WNT7A: variants seen among roughly 807,000 people sequenced by gnomAD.
The protein encoded by WNT7A is protein Wnt-7a.
A neutral mutation model predicts 28.2 loss-of-function variants in WNT7A; 16 were observed. That is an observed-to-expected ratio of 0.57 (90% CI 0.38 to 0.86). The LOEUF (loss-of-function observed/expected upper bound fraction) is 0.86, where lower values mean the gene tolerates loss of function less well. Among genes scored for constraint, WNT7A ranks in the 40% least tolerant of loss-of-function variants. WNT7A has a pLI of 0.00. For synonymous variants in WNT7A, 190 were observed against 195.9 expected (o/e 0.97, Z 0.25); for missense variants, 411 against 489.7 (o/e 0.84, Z 1.52).
intron 3 of WNT7A, among the ~76,000 whole-genome samples, chr3:13,838,877 C>T (rs11709521): frequency 0.17 from 25,987 of 152,174 alleles, 2,879 homozygotes; most frequent in East Asian, 0.55. Context: ...AATATGGGTG[C>T]TTGAACTGTG....
At chr3:13,839,037 T>C (rs1461618249) in intron 3 of WNT7A, among the ~76,000 whole-genome samples, 5 of 152,254 alleles carry the variant, frequency 3.3e-5, no homozygotes, top group African/African-American at 9.6e-5. Context: ...ATTTGGGATA[T>C]CTTAGATGAA....
At chr3:13,828,286 G>A (rs1050632315) in intron 3 of WNT7A, among the ~76,000 whole-genome samples, 5 of 152,218 alleles carry the variant, frequency 3.3e-5, no homozygotes, top group Admixed American at 2.0e-4. Context: ...TGGGGCCAGA[G>A]GATGGCATCA....
At chr3:13,833,561 T>C (rs2124838148) in intron 3 of WNT7A, among the ~76,000 whole-genome samples, 1 of 152,334 alleles carries the variant, frequency 6.6e-6, no homozygotes, top group African/African-American at 2.4e-5. Context: ...CACCACACAG[T>C]GCAGCCTCTC....
intron 3 of WNT7A, among the ~76,000 whole-genome samples, chr3:13,838,349 A>G (rs574379936): frequency 1.3e-5 from 2 of 152,322 alleles, no homozygotes; most frequent in Admixed American, 1.3e-4. Flanking sequence ...TGCAGGAGCA[A>G]CAGTGGACCT....
chr3:13,855,558 G>C (rs1235222464), intron 2 of WNT7A, among the ~76,000 whole-genome samples: 1 of 152,196 alleles, frequency 6.6e-6, no homozygotes, highest in Non-Finnish European at 1.5e-5. Flanking sequence ...GTAGGGCAGG[G>C]TCCTGAGCAG....
chr3:13,857,584 G>T (rs1694766371), intron 2 of WNT7A, among the ~76,000 whole-genome samples: 1 of 152,080 alleles, frequency 6.6e-6, no homozygotes, highest in Admixed American at 6.5e-5. Context: ...CCCCCTGCAT[G>T]CTCCAAGGGC....
intron 3 of WNT7A, among the ~76,000 whole-genome samples, chr3:13,823,977 C>T (rs761888802): frequency 6.6e-5 from 10 of 152,300 alleles, no homozygotes; most frequent in Middle Eastern, 3.4e-3. Context: ...TGTCTTCAGG[C>T]GTAAGGAGTA....
intron 1 of WNT7A, among the ~76,000 whole-genome samples, chr3:13,876,783 G>T (rs1040831287): frequency 6.6e-6 from 1 of 152,226 alleles, no homozygotes; most frequent in East Asian, 1.9e-4. Flanking sequence ...CACAAGCTTG[G>T]CTTCTTGCCA....
At chr3:13,876,884 A>G (rs13433875) in intron 1 of WNT7A, 16,468 of 151,868 alleles carry the variant, frequency 0.11, 1,795 homozygotes, top group African/African-American at 0.26. Flanking sequence ...TCCCATCACA[A>G]TCTCTGTTTT....
chr3:13,854,598 A>G lies in WNT7A; in HGVS notation c.504T>C (p.Asp168=). The change falls in exon 3 of 4, where the codon GAT becomes GAC. Residue 168 remains aspartate (D), a synonymous_variant. Transcript: ENST00000285018. ...YGIGFAKVFV[D]AREIKQNART... ...GGGCATTCTGCTTGATCTCCCGGGC[A>G]TCCACAAAGACCTTGGCGAAGCCGA... is the stretch of plus-strand genomic sequence containing the variant. The G allele has an allele frequency of 1.9e-6, 3 of 1,614,098 alleles. No homozygotes were observed. The highest frequency in any genetic ancestry group is 2.5e-6 in the Non-Finnish European group (3 of 1,180,034).
chr3:13,833,293 G>C (rs1694311657), intron 3 of WNT7A, among the ~76,000 whole-genome samples: 1 of 152,024 alleles, frequency 6.6e-6, no homozygotes, highest in African/African-American at 2.4e-5. Context: ...TGCTTCTCAT[G>C]CCGTCCATCC....
chr3:13,847,364 A>G (rs991455048), intron 3 of WNT7A, among the ~76,000 whole-genome samples: 5 of 152,216 alleles, frequency 3.3e-5, no homozygotes, highest in African/African-American at 1.2e-4. Flanking sequence ...AGGGAGCGGA[A>G]GGGAGGTCTG....
chr3:13,850,321 G>C (rs1010540810), intron 3 of WNT7A, among the ~76,000 whole-genome samples: 2 of 152,208 alleles, frequency 1.3e-5, no homozygotes. Context: ...GAGCATAGCT[G>C]AGCAGGCCTT....
Position 13,819,251 on chromosome 3 carries a change from C to G in WNT7A, c.743G>C (p.Arg248Pro), listed in dbSNP as rs772783463. ...CTTCTTGATCTTCAGGAAGGTGGGCCGCTTGTTGCGGCTGGCACGCACAGG... is the reference window on the plus strand; with the variant it reads ...CTTCTTGATCTTCAGGAAGGTGGGCGGCTTGTTGCGGCTGGCACGCACAGG... ...VEPVRASRNK[R>P]PTFLKIKKPL... Residue 248 changes from arginine to proline, a missense_variant, in exon 4 of 4, where the codon CGG (arginine) becomes CCG (proline). Arg to Pro is a moderately radical substitution (Grantham distance 103, BLOSUM62 -2). Transcript: ENST00000285018. The G allele has an allele frequency of 6.2e-7, 1 of 1,614,212 alleles. No individual in the cohort carries two copies. Among genetic ancestry groups the G allele is most frequent in the Non-Finnish European group, 8.5e-7 (1 of 1,180,040 alleles).
intron 2 of WNT7A, among the ~76,000 whole-genome samples, chr3:13,873,161 A>C (rs569363075): frequency 1.7e-4 from 26 of 152,228 alleles, no homozygotes; most frequent in Middle Eastern, 3.4e-3. Context: ...GGACAGTCCC[A>C]TTCTCTCTCT....
At position 13,838,257 on chromosome 3, in the gene WNT7A, C is replaced by T. The variant is rs143023072; in HGVS notation, c.570+16275G>A. 9.4e-3 allele frequency among the ~76,000 whole-genome samples: 1,439 copies of T among 152,278 alleles called. 27 individuals are homozygous for T. The highest frequency in any genetic ancestry group is 0.032 in the African/African-American group (1,317 of 41,540). On this transcript the variant is annotated intron_variant, in intron 3 of 3. Coordinates refer to ENST00000285018, the MANE Select transcript of WNT7A (RefSeq NM_004625.4). ...CCCAGAGGGACGTGGGTTTCTCTCT[C>T]AGCTGTGCGGCTTCGGGTCCTCACC...
rs992204669 is a variant in WNT7A, at chr3:13,879,948, C to G, written c.-132G>C. On this transcript the variant is annotated 5_prime_UTR_variant, in exon 1 of 4. Transcript: ENST00000285018. The stretch of plus-strand genomic sequence containing the variant: ...CCCCGGGGCCGTCTGTCGGTGCGCC[C>G]GTCCGCGCGCTCCGCGCCTGAGCCT... 1.5e-5 allele frequency: 9 copies of G among 615,344 alleles called. No homozygotes were observed. The highest frequency in any genetic ancestry group is 9.0e-5 in the Admixed American group (2 of 22,192). 38.1% of individuals were successfully genotyped at this position (615,344 alleles called of 1,614,324 possible).
intron 2 of WNT7A, among the ~76,000 whole-genome samples, chr3:13,870,711 T>C (rs1695015131): frequency 6.6e-6 from 1 of 152,218 alleles, no homozygotes; most frequent in South Asian, 2.1e-4. Context: ...GCCAATGCTC[T>C]TTCTGGGGGT....
At chr3:13,846,716 C>T (rs1371985078) in intron 3 of WNT7A, among the ~76,000 whole-genome samples, 1 of 152,096 alleles carries the variant, frequency 6.6e-6, no homozygotes, top group African/African-American at 2.4e-5. Context: ...TCTTCCATCC[C>T]GTGGGTCCTG....
Sources: gnomAD v4.1 joint callset for allele counts (sites outside exome capture counted in the v4.1 genomes callset) on GRCh38, gnomAD v4.1.1 for gene constraint, MANE v1.5 for transcripts, NCBI Gene and HGNC (gene_info 2026-07-23, HGNC 2026-07-21) for gene names.